CRYBG1: variants seen among roughly 807,000 people sequenced by gnomAD.
CRYBG1 encodes crystallin beta-gamma domain containing 1, also known as beta/gamma crystallin domain-containing protein 1.
A neutral mutation model predicts 189.2 loss-of-function variants in CRYBG1; 139 were observed. The ratio of observed to expected loss-of-function variants is 0.73; its 90% CI spans 0.64 to 0.85. The LOEUF is 0.85. Ranked by LOEUF, CRYBG1 falls within the 40% of genes least tolerant of loss-of-function variation. The probability of loss-of-function intolerance (pLI) is 0.00; values close to 1 mark genes in which losing one functional copy is unlikely to be tolerated. For missense variants in CRYBG1, 2,611 were observed against 2,675.8 expected, an observed-to-expected ratio of 0.98 and a Z score of 0.53; for synonymous variants, 1,023 against 1,017.1, an observed-to-expected ratio of 1.01 and a Z score of -0.11.
chr6:106,374,973 G>C (rs924446939), intron 1 of CRYBG1, among the ~76,000 whole-genome samples: 1 of 152,150 alleles, frequency 6.6e-6, no homozygotes, highest in African/African-American at 2.4e-5. Flanking sequence ...AAATTTTGTT[G>C]TAGGGTTTAG....
chr6:106,411,017 A>T (rs761508687), intron 1 of CRYBG1, among the ~76,000 whole-genome samples: 32 of 152,170 alleles, frequency 2.1e-4, no homozygotes, highest in Non-Finnish European at 2.9e-4. Flanking sequence ...ATAATAATTT[A>T]AAAAAAGAGT....
intron 1 of CRYBG1, among the ~76,000 whole-genome samples, chr6:106,435,303 G>C (rs901032520): frequency 3.2e-4 from 49 of 152,154 alleles, no homozygotes; most frequent in African/African-American, 1.1e-3. Flanking sequence ...CAAGTAGCCA[G>C]GACTACAGGG....
At chr6:106,549,985 GA>G (rs1774359438) in intron 13 of CRYBG1, among the ~76,000 whole-genome samples, 3 of 152,198 alleles carry the variant, frequency 2.0e-5, no homozygotes, top group African/African-American at 4.8e-5. Flanking sequence ...AAAGCAAGGA[GA>G]GCCTGGTGGG....
At chr6:106,513,474 A>G (rs1220611973) in intron 3 of CRYBG1, among the ~76,000 whole-genome samples, 1 of 152,236 alleles carries the variant, frequency 6.6e-6, no homozygotes, top group Non-Finnish European at 1.5e-5. Context: ...TAGCTTTGAC[A>G]TGTGTGAGTT....
At chr6:106,365,244 C>T (rs978944278) in intron 1 of CRYBG1, among the ~76,000 whole-genome samples, 6 of 152,050 alleles carry the variant, frequency 3.9e-5, no homozygotes, top group African/African-American at 1.4e-4. Flanking sequence ...GCCTGGCCAA[C>T]ATGGTGAAAC....
At chr6:106,516,814 C>T (rs750744335) in intron 3 of CRYBG1, among the ~76,000 whole-genome samples, 3 of 152,144 alleles carry the variant, frequency 2.0e-5, no homozygotes, top group African/African-American at 7.2e-5. Context: ...GGCCCTGTCA[C>T]TTATCAGCTG....
At chr6:106,447,570 A>ATATATATATATATATATATATATATC (rs1554236449) in intron 1 of CRYBG1, among the ~76,000 whole-genome samples, 5 of 138,822 alleles carry the variant, frequency 3.6e-5, no homozygotes, top group Admixed American at 1.5e-4. Context: ...ATATATATAT[A>ATATATATATATATATATATATATATC]TATCTACTAT....
At chr6:106,462,961 C>G (rs1772042622) in intron 2 of CRYBG1, among the ~76,000 whole-genome samples, 1 of 152,162 alleles carries the variant, frequency 6.6e-6, no homozygotes, top group Non-Finnish European at 1.5e-5. Flanking sequence ...TGAAACCAGC[C>G]TGGGCAATAA....
intron 2 of CRYBG1, among the ~76,000 whole-genome samples, chr6:106,463,251 A>C (rs1388139415): frequency 6.7e-6 from 1 of 149,372 alleles, no homozygotes; most frequent in Non-Finnish European, 1.5e-5. Context: ...AAAAAAAAAA[A>C]ACAACAACTT....
At position 106,512,640 on chromosome 6, in the gene CRYBG1, C is replaced by A. The variant is rs769312777; in HGVS notation, c.1523C>A (p.Pro508Gln). The part of the protein sequence containing the change: ...GESDRSKQPP[P>Q]ASSPTKRKGR... Reference sequence around the variant, plus strand: ...TCGGACCGGAGCAAACAGCCACCCCCGGCTTCGTCCCCCACGAAGAGGAAG... The same window carrying A: ...TCGGACCGGAGCAAACAGCCACCCCAGGCTTCGTCCCCCACGAAGAGGAAG... The change falls in exon 3 of 22, where the codon CCG (proline) becomes CAG (glutamine). Residue 508 changes from proline (P) to glutamine (Q), a missense_variant. Pro to Gln is a moderately conservative substitution (Grantham distance 76, BLOSUM62 -1). This residue lies in a region of CRYBG1 where 985 missense variants were observed against 924.4 expected (regional missense o/e 1.07). Coordinates refer to ENST00000633556, the MANE Select transcript of CRYBG1 (RefSeq NM_001371242.2). 3 of 1,589,128 alleles carry A rather than the reference C, an allele frequency of 1.9e-6. No individual in the cohort carries two copies. Among genetic ancestry groups the A allele is most frequent in the Non-Finnish European group, 2.6e-6 (3 of 1,168,772 alleles).
chr6:106,392,279 A>C (rs1052125316), intron 1 of CRYBG1, among the ~76,000 whole-genome samples: 2 of 152,144 alleles, frequency 1.3e-5, no homozygotes, highest in African/African-American at 4.8e-5. Flanking sequence ...CCACATACAC[A>C]ATAGTGAGAG....
At chr6:106,415,929 C>A (rs1018916839) in intron 1 of CRYBG1, among the ~76,000 whole-genome samples, 2 of 152,124 alleles carry the variant, frequency 1.3e-5, no homozygotes, top group Non-Finnish European at 2.9e-5. Flanking sequence ...GCAGTCCCCC[C>A]CATTCCTCTT....
At chr6:106,467,366 G>A (rs988531368) in intron 2 of CRYBG1, among the ~76,000 whole-genome samples, 2 of 152,108 alleles carry the variant, frequency 1.3e-5, no homozygotes, top group African/African-American at 2.4e-5. Flanking sequence ...CAGCTACACA[G>A]GAGGCTGAGG....
In CRYBG1 at chr6:106,520,776, A is replaced by C; in HGVS notation, c.3568A>C (p.Lys1190Gln). The part of the protein sequence containing the change: ...NLDTKSKLRP[K>Q]RASAEQSVLF... ...TGACACAAAATCCAAACTGAGACCC[A>C]AACGTGCATCTGCTGAACAGAGCGT... The change falls in exon 4 of 22, where the codon AAA (lysine) becomes CAA (glutamine). Residue 1190 changes from lysine to glutamine, a missense_variant. Physicochemically the swap from Lys to Gln is moderately conservative, Grantham distance 53. Transcript: ENST00000633556. 6.2e-7 allele frequency: 1 copy of C among 1,614,204 alleles called. No individual in the cohort carries two copies. Among genetic ancestry groups the C allele is most frequent in the Middle Eastern group, 1.6e-4 (1 of 6,062 alleles).
chr6:106,465,426 C>G (rs1250077481), intron 2 of CRYBG1, among the ~76,000 whole-genome samples: 1 of 152,140 alleles, frequency 6.6e-6, no homozygotes, highest in Non-Finnish European at 1.5e-5. Flanking sequence ...AGATAGTGCT[C>G]TGTGGAGCCC....
At chr6:106,562,880 G>T (rs1426491651) in intron 20 of CRYBG1, among the ~76,000 whole-genome samples, 2 of 152,222 alleles carry the variant, frequency 1.3e-5, no homozygotes, top group East Asian at 3.8e-4. Flanking sequence ...AGGCTGGAGT[G>T]TAGTGGTGCA....
In CRYBG1 at chr6:106,518,251, T is replaced by C. The variant is rs775198905; in HGVS notation, c.1923-880T>C. ...GACTGGTAGGATTATCAGTGATTTT[T>C]AAATATTATCCAAAGTTGCTATAGT... On this transcript the variant is annotated intron_variant, in intron 3 of 21. Transcript: ENST00000633556. Among the ~76,000 whole-genome samples the C allele has an allele frequency of 2.0e-5, 3 of 152,218 alleles. No homozygotes were observed. In the South Asian group the frequency reaches 6.2e-4, roughly 32 times the overall value.
Position 106,525,335 on chromosome 6 carries a change from G to A in CRYBG1, c.4361G>A (p.Cys1454Tyr). ...CIEVFSDIQDCSSWSLSPVIL... is the reference protein window; with the variant it reads ...CIEVFSDIQDYSSWSLSPVIL... ...GAAGTTTTCAGTGACATTCAGGATTGCAGTTCTTGGAGCCTCTCTCCAGTG... is the reference window on the plus strand; with the variant it reads ...GAAGTTTTCAGTGACATTCAGGATTACAGTTCTTGGAGCCTCTCTCCAGTG... Residue 1454 changes from cysteine to tyrosine, a missense_variant, in exon 6 of 22, where the codon TGC becomes TAC. Physicochemically the swap from Cys to Tyr is radical, Grantham distance 194. This residue lies in a region of CRYBG1 where 1,622 missense variants were observed against 1,735.0 expected (regional missense o/e 0.93). Transcript: ENST00000633556. The A allele has an allele frequency of 6.2e-7, 1 of 1,614,126 alleles. No homozygotes were observed. The highest frequency in any genetic ancestry group is 8.5e-7 in the Non-Finnish European group (1 of 1,180,018).
chr6:106,399,245 A>G (rs1770671848), intron 1 of CRYBG1, among the ~76,000 whole-genome samples: 1 of 152,254 alleles, frequency 6.6e-6, no homozygotes, highest in Non-Finnish European at 1.5e-5. Context: ...AAATCCTGAC[A>G]TAAGCCACTA....
Sources: gnomAD v4.1 joint callset for allele counts (sites outside exome capture counted in the v4.1 genomes callset) on GRCh38, gnomAD v4.1.1 for gene constraint, gnomAD v4.1.1 regional missense constraint, MANE v1.5 for transcripts, NCBI Gene and HGNC (gene_info 2026-07-23, HGNC 2026-07-21) for gene names.